LINGO2: variants seen among roughly 807,000 people sequenced by gnomAD.
The protein encoded by LINGO2 is leucine rich repeat and Ig domain containing 2, also known as leucine-rich repeat and immunoglobulin-like domain-containing nogo receptor-interacting protein 2.
In LINGO2, 14 loss-of-function variants were observed where a neutral mutation model predicts 30.6. The observed-to-expected ratio is 0.46, with a 90% CI of 0.30 to 0.72. The LOEUF is 0.72. Among genes scored for constraint, LINGO2 ranks in the 30% least tolerant of loss-of-function variants. The pLI, the probability that LINGO2 is intolerant of heterozygous loss-of-function variation, is 0.07. For missense variants in LINGO2, 729 were observed against 751.7 expected (o/e 0.97, Z 0.35); for synonymous variants, 317 against 288.5 (o/e 1.10, Z -1.00).
At chr9:29,152,940 T>C in the LINGO2 span, among the ~76,000 whole-genome samples, 1 of 152,182 alleles carries the variant, frequency 6.6e-6, no homozygotes, top group Non-Finnish European at 1.5e-5. Context: ...AAACAACATA[T>C]GTAAAAATAC....
chr9:28,632,885 G>T (rs1413912246), intron 1 of LINGO2, among the ~76,000 whole-genome samples: 5,026 of 102,064 alleles, frequency 0.049, 192 homozygotes, highest in African/African-American at 0.07. Flanking sequence ...TATATGTAGA[G>T]AGAGAGAGAG....
At chr9:28,021,545 T>C (rs921063389) in intron 4 of LINGO2, among the ~76,000 whole-genome samples, 1 of 152,134 alleles carries the variant, frequency 6.6e-6, no homozygotes, top group Non-Finnish European at 1.5e-5. Flanking sequence ...TGTATCATTA[T>C]TGATTGTCTG....
chr9:29,003,282 G>A, the LINGO2 span, among the ~76,000 whole-genome samples: 1 of 151,974 alleles, frequency 6.6e-6, no homozygotes, highest in Non-Finnish European at 1.5e-5. Flanking sequence ...ACAAATACCG[G>A]TGTGGATTCA....
At chr9:28,764,953 A>G in the LINGO2 span, among the ~76,000 whole-genome samples, 3 of 152,138 alleles carry the variant, frequency 2.0e-5, no homozygotes, top group African/African-American at 7.2e-5. Context: ...GATGTGAAAC[A>G]CCTAAACACT....
At chr9:29,136,020 T>A in the LINGO2 span, among the ~76,000 whole-genome samples, 1 of 152,196 alleles carries the variant, frequency 6.6e-6, no homozygotes, top group Non-Finnish European at 1.5e-5. Flanking sequence ...CATGGCCAGC[T>A]CACTACTGAA....
chr9:28,578,388 A>G (rs1824093738), intron 1 of LINGO2, among the ~76,000 whole-genome samples: 1 of 152,298 alleles, frequency 6.6e-6, no homozygotes, highest in East Asian at 1.9e-4. Flanking sequence ...AATTTATCCA[A>G]TTAATCTTTG....
chr9:28,787,182 G>A, the LINGO2 span, among the ~76,000 whole-genome samples: 4 of 152,240 alleles, frequency 2.6e-5, no homozygotes, highest in East Asian at 7.7e-4. Context: ...TGAGGACTAG[G>A]GGAGGGGAAT....
At chr9:28,505,030 C>T (rs1820052471) in intron 1 of LINGO2, among the ~76,000 whole-genome samples, 1 of 151,726 alleles carries the variant, frequency 6.6e-6, no homozygotes, top group African/African-American at 2.4e-5. Context: ...AATTATGTGA[C>T]TTGGTGTAAG....
chr9:29,204,764 T>G, the LINGO2 span, among the ~76,000 whole-genome samples: 4 of 152,220 alleles, frequency 2.6e-5, no homozygotes, highest in African/African-American at 9.6e-5. Flanking sequence ...CACACAGTTT[T>G]GCACCTCCTT....
At position 28,500,649 on chromosome 9, in the gene LINGO2, G is replaced by A. The variant is rs906803666; in HGVS notation, c.-364-24624C>T. ...GAGTTTGGAGGCAGGAAGAGTATAC[G>A]TCAATGTTTCAATATTCATCTGATA... On this transcript the variant is annotated intron_variant, in intron 1 of 5. Coordinates refer to ENST00000379992, the Ensembl canonical transcript of LINGO2. 5.3e-5 allele frequency among the ~76,000 whole-genome samples: 8 copies of A among 151,982 alleles called. No individual in the cohort carries two copies. In the East Asian group the frequency reaches 7.7e-4, roughly 15 times the overall value.
intron 4 of LINGO2, among the ~76,000 whole-genome samples, chr9:28,013,266 A>G (rs1587688821): frequency 6.6e-6 from 1 of 152,134 alleles, no homozygotes; most frequent in Admixed American, 6.5e-5. Flanking sequence ...TATGTATTTT[A>G]AATTCTTCAC....
At chr9:28,829,373 A>G in the LINGO2 span, among the ~76,000 whole-genome samples, 1 of 152,200 alleles carries the variant, frequency 6.6e-6, no homozygotes, top group African/African-American at 2.4e-5. Context: ...CTTAGGATAC[A>G]GAAGGTTGTC....
At chr9:29,085,630 T>A in the LINGO2 span, among the ~76,000 whole-genome samples, 37 of 152,212 alleles carry the variant, frequency 2.4e-4, no homozygotes, top group African/African-American at 8.2e-4. Context: ...GCTTAGAAGA[T>A]ATGATTTTAC....
chr9:27,959,192 A>G (rs1434454068), intron 5 of LINGO2, among the ~76,000 whole-genome samples: 1 of 152,026 alleles, frequency 6.6e-6, no homozygotes. Flanking sequence ...GAATTTTTTC[A>G]GTTTTATTAA....
chr9:28,540,983 C>T (rs934345990), intron 1 of LINGO2, among the ~76,000 whole-genome samples: 1 of 152,112 alleles, frequency 6.6e-6, no homozygotes, highest in African/African-American at 2.4e-5. Flanking sequence ...ATCTAAAGCC[C>T]AGGTCCACTC....
chr9:28,844,168 C>G, the LINGO2 span, among the ~76,000 whole-genome samples: 1 of 151,758 alleles, frequency 6.6e-6, no homozygotes, highest in Non-Finnish European at 1.5e-5. Context: ...TCGAGACTAG[C>G]CTGGCCAACA....
chr9:28,435,224 C>A (rs1252135157), intron 2 of LINGO2, among the ~76,000 whole-genome samples: 2 of 152,080 alleles, frequency 1.3e-5, no homozygotes, highest in African/African-American at 4.8e-5. Flanking sequence ...AAACAAAAAC[C>A]TGTTCAATTT....
At chr9:29,014,603 A>G in the LINGO2 span, among the ~76,000 whole-genome samples, 1 of 152,208 alleles carries the variant, frequency 6.6e-6, no homozygotes. Context: ...CTCAAAACCC[A>G]GTTAATATGG....
At chr9:28,669,225 C>CAACT (rs1828921073) in intron 1 of LINGO2, among the ~76,000 whole-genome samples, 1 of 152,072 alleles carries the variant, frequency 6.6e-6, no homozygotes, top group Admixed American at 6.6e-5. Context: ...CACCTATGTA[C>CAACT]AACTCCCTGC....
Sources: allele counts gnomAD v4.1 joint callset (sites outside exome capture counted in the v4.1 genomes callset), GRCh38; gene constraint gnomAD v4.1.1; transcripts MANE v1.5; gene names NCBI Gene and HGNC (gene_info 2026-07-23, HGNC 2026-07-21).